Variants in NHSL2 observed in about 807,000 individuals in gnomAD.
NHSL2 encodes NHS like 2.
NHSL2 carries 27 observed loss-of-function variants against 53.4 expected under a neutral mutation model. The observed-to-expected ratio is 0.51, with a 90% CI of 0.37 to 0.70. The LOEUF is 0.70. Among genes scored for constraint, NHSL2 ranks in the 30% least tolerant of loss-of-function variants. The pLI is 0.00. For synonymous variants in NHSL2, 408 were observed against 404.1 expected (o/e 1.01, Z -0.12); for missense variants, 892 against 980.1 (o/e 0.91, Z 1.20).
chrX:72,132,747 CT>C (rs2042319204), intron 2 of NHSL2, among the ~76,000 whole-genome samples: 1 of 111,752 alleles, frequency 8.9e-6, no homozygotes. Flanking sequence ...TTTGTCCCCC[CT>C]AACCAAGCCT....
chrX:71,975,871 GAAACTCCAGATTTTAATGT>G (rs1333131309), intron 1 of NHSL2, among the ~76,000 whole-genome samples: 1 of 111,874 alleles, frequency 8.9e-6, no homozygotes, highest in Non-Finnish European at 1.9e-5. Context: ...AGAGAAGATA[GAAACTCCAGATTTTAATGT>G]AAACTGTCTC....
At chrX:72,020,448 G>T (rs997166263) in intron 1 of NHSL2, among the ~76,000 whole-genome samples, 13 of 113,042 alleles carry the variant, frequency 1.2e-4, no homozygotes, top group African/African-American at 3.9e-4. Context: ...AGAACATACT[G>T]CTCAGAGGAC....
chrX:71,931,727 G>A (rs1006102720), intron 1 of NHSL2, among the ~76,000 whole-genome samples: 7 of 112,790 alleles, frequency 6.2e-5, no homozygotes, highest in African/African-American at 2.3e-4. Flanking sequence ...TGATCTATAT[G>A]TGTATCCTTA....
At chrX:72,078,122 A>T (rs936530205) in intron 1 of NHSL2, among the ~76,000 whole-genome samples, 7 of 113,066 alleles carry the variant, frequency 6.2e-5, no homozygotes, top group African/African-American at 1.9e-4. Flanking sequence ...AGGTTAAGTG[A>T]CATGCCCAAG....
intron 1 of NHSL2, among the ~76,000 whole-genome samples, chrX:72,072,631 T>G (rs1184071595): frequency 2.7e-5 from 3 of 112,195 alleles, no homozygotes; most frequent in Non-Finnish European, 3.8e-5. Context: ...AGTTTTCTCT[T>G]CAGCCTTCAG....
intron 1 of NHSL2, among the ~76,000 whole-genome samples, chrX:71,929,520 A>G (rs780220116): frequency 2.7e-5 from 3 of 112,358 alleles, no homozygotes; most frequent in East Asian, 5.6e-4. Flanking sequence ...AACTCTCTTC[A>G]TGTAACACCT....
intron 1 of NHSL2, among the ~76,000 whole-genome samples, chrX:72,102,460 C>A (rs2042003076): frequency 9.0e-6 from 1 of 111,727 alleles, no homozygotes; most frequent in African/African-American, 3.3e-5. Flanking sequence ...AGTCATTTCA[C>A]CACTCTTAAG....
chrX:71,932,600 T>A (rs1305619444), intron 1 of NHSL2, among the ~76,000 whole-genome samples: 2 of 111,425 alleles, frequency 1.8e-5, no homozygotes, highest in Non-Finnish European at 3.8e-5. Flanking sequence ...GATTCACAGA[T>A]GCAAGAGAAA....
chrX:71,974,299 T>C (rs1272456786), intron 1 of NHSL2, among the ~76,000 whole-genome samples: 1 of 111,748 alleles, frequency 8.9e-6, no homozygotes, highest in Non-Finnish European at 1.9e-5. Flanking sequence ...CAAGATTTTA[T>C]TCAGGAGGAA....
chrX:71,998,003 CA>C (rs2042057000), intron 1 of NHSL2, among the ~76,000 whole-genome samples: 1 of 112,259 alleles, frequency 8.9e-6, no homozygotes, highest in Admixed American at 9.4e-5. Context: ...TTGTAAGGTT[CA>C]AGTTCTAAGT....
chrX:72,093,526 A>G (rs1402983964), intron 1 of NHSL2, among the ~76,000 whole-genome samples: 1 of 112,268 alleles, frequency 8.9e-6, no homozygotes, highest in Non-Finnish European at 1.9e-5. Flanking sequence ...GAGATGGCTG[A>G]GAAAGGGCCT....
chrX:72,076,832 G>C (rs772016929), intron 1 of NHSL2, among the ~76,000 whole-genome samples: 21 of 111,900 alleles, frequency 1.9e-4, no homozygotes, highest in African/African-American at 6.5e-4. Context: ...CTCAATAGCA[G>C]ATTTTCTATT....
chrX:72,085,480 T>C (rs1321687515), intron 1 of NHSL2, among the ~76,000 whole-genome samples: 1 of 111,822 alleles, frequency 8.9e-6, no homozygotes, highest in Admixed American at 9.5e-5. Context: ...GTGAAATTCA[T>C]CCATTGCACT....
At chrX:72,049,701 G>A (rs892948914) in intron 1 of NHSL2, among the ~76,000 whole-genome samples, 16 of 107,979 alleles carry the variant, frequency 1.5e-4, no homozygotes, top group African/African-American at 2.7e-4. Flanking sequence ...CCAGGCCCCC[G>A]GTTCTTACCT....
At chrX:72,030,355 G>A (rs1400052664) in intron 1 of NHSL2, among the ~76,000 whole-genome samples, 3 of 112,389 alleles carry the variant, frequency 2.7e-5, no homozygotes, top group Non-Finnish European at 3.8e-5. Flanking sequence ...TCTGATAAGT[G>A]GGGTCTCCGC....
At chrX:71,989,265 C>T (rs762460667) in intron 1 of NHSL2, among the ~76,000 whole-genome samples, 54 of 97,728 alleles carry the variant, frequency 5.5e-4, no homozygotes, top group African/African-American at 1.7e-3. Context: ...AGGAGAATGG[C>T]GTGAACCCGG....
chrX:72,065,255 C>T (rs1240778570), intron 1 of NHSL2, among the ~76,000 whole-genome samples: 10 of 111,679 alleles, frequency 9.0e-5, no homozygotes, highest in African/African-American at 3.3e-4. Context: ...AATGGGCAGA[C>T]ACTAACTGAG....
intron 1 of NHSL2, among the ~76,000 whole-genome samples, chrX:71,977,396 G>A (rs912617589): frequency 9.4e-6 from 1 of 106,463 alleles, no homozygotes; most frequent in Non-Finnish European, 1.9e-5. Flanking sequence ...GAATATATGT[G>A]CTCAAACTTG....
chrX:72,012,327 C>T (rs755483448), intron 1 of NHSL2, among the ~76,000 whole-genome samples: 11 of 111,389 alleles, frequency 9.9e-5, no homozygotes, highest in Non-Finnish European at 1.9e-4. Context: ...CTGAGGCTGC[C>T]GTAACAAGTA....
Sources: gnomAD v4.1 joint callset for allele counts (sites outside exome capture counted in the v4.1 genomes callset) on GRCh38, gnomAD v4.1.1 for gene constraint, MANE v1.5 for transcripts, NCBI Gene and HGNC (gene_info 2026-07-23, HGNC 2026-07-21) for gene names.